COPE: variants seen among roughly 807,000 people sequenced by gnomAD.
The protein encoded by COPE is coat protein complex I subunit epsilon, also known as coatomer subunit epsilon.
In COPE, 19 loss-of-function variants were observed where a neutral mutation model predicts 42.1. That is an observed-to-expected ratio of 0.45 (90% CI 0.31 to 0.66). The LOEUF is 0.66. COPE is among the 30% of genes least tolerant of loss of function. COPE has a pLI of 0.05. For missense variants in COPE, 402 were observed against 416.1 expected (o/e 0.97, Z 0.30); for synonymous variants, 195 against 181.3 (o/e 1.08, Z -0.60).
At chr19:18,909,519 CTTT>C (rs59105113) in intron 3 of COPE, among the ~76,000 whole-genome samples, 27 of 133,780 alleles carry the variant, frequency 2.0e-4, no homozygotes, top group Admixed American at 3.8e-4. Context: ...GGCCTCTTTC[CTTT>C]TTTTTTTTTT....
At chr19:18,910,788 C>G (rs553710496) in intron 3 of COPE, 183 bp downstream of exon 3, 1 of 611,300 alleles carries the variant, frequency 1.6e-6, no homozygotes, top group Non-Finnish European at 2.9e-6. Flanking sequence ...CCATCACCAG[C>G]CCCCCACTGC....
At chr19:18,902,772 A>AGG (rs1568314845) in intron 7 of COPE, among the ~76,000 whole-genome samples, 4 of 31,954 alleles carry the variant, frequency 1.3e-4, no homozygotes, top group Admixed American at 9.0e-4. Context: ...AGGAAGGGAA[A>AGG]GAAGGAAGGA....
chr19:18,907,140 C>T (rs938528864), intron 3 of COPE, 28 bp from the exon 4 acceptor site: 3 of 1,602,694 alleles, frequency 1.9e-6, no homozygotes, highest in Admixed American at 1.7e-5. Flanking sequence ...TCACGACCCA[C>T]AGCTGGGGTG....
intron 4 of COPE, chr19:18,906,651 C>T (rs1002211471): frequency 1.5e-5 from 4 of 275,230 alleles, no homozygotes; most frequent in Non-Finnish European, 2.1e-5. Flanking sequence ...AGGGCCGAGA[C>T]ACAGAAGGCT....
In COPE at chr19:18,900,453, G is replaced by T. The variant is rs1203132595; in HGVS notation, c.736-4C>A. On this transcript the variant is annotated splice_region_variant and splice_polypyrimidine_tract_variant and intron_variant, in intron 7 of 9. Transcript: ENST00000262812. ...GCGTCTCTGGGTAGCCACTATCCTGGAGACACAGGCAGACACGGGGAGGCA... is the reference window on the plus strand; with the variant it reads ...GCGTCTCTGGGTAGCCACTATCCTGTAGACACAGGCAGACACGGGGAGGCA... 3.9e-6 allele frequency: 6 copies of T among 1,547,066 alleles called. No individual in the cohort carries two copies. Among genetic ancestry groups the T allele is most frequent in the Admixed American group, 2.0e-5 (1 of 50,742 alleles).
In COPE at chr19:18,913,981, A is replaced by G. The variant is rs900135592; in HGVS notation, c.127-935T>C. 6.6e-5 allele frequency among the ~76,000 whole-genome samples: 10 copies of G among 152,078 alleles called. 1 individual carries two copies. The highest frequency in any genetic ancestry group is 6.5e-4 in the Admixed American group (10 of 15,270). ...TCCCCAGCCTGAGGGAGGAGCGTGGATGTCAAACGTGTCCTCATCCCAGGC... is the reference window on the plus strand; with the variant it reads ...TCCCCAGCCTGAGGGAGGAGCGTGGGTGTCAAACGTGTCCTCATCCCAGGC... On this transcript the variant is annotated intron_variant, in intron 1 of 9. Coordinates refer to ENST00000262812, the MANE Select transcript of COPE (RefSeq NM_007263.4).
At chr19:18,908,682 A>G (rs888786497) in intron 3 of COPE, among the ~76,000 whole-genome samples, 4 of 151,316 alleles carry the variant, frequency 2.6e-5, no homozygotes, top group Non-Finnish European at 4.4e-5. Flanking sequence ...ATGCCCGGCT[A>G]ATTTTTTTTG....
chr19:18,917,561 G>A lies in COPE; in HGVS notation c.126+1662C>T, dbSNP rs187554925. Among the ~76,000 whole-genome samples the A allele has an allele frequency of 2.1e-3, 315 of 151,906 alleles. 1 individual carries two copies. The highest frequency in any genetic ancestry group is 3.8e-3 in the Non-Finnish European group (256 of 67,954). On this transcript the variant is annotated intron_variant, in intron 1 of 9. Transcript: ENST00000262812. ...TTTTGTATTTTTTAGTAGAGACGGG[G>A]TTTCACCAAGTTGGTCAGGCTGGTC...
chr19:18,919,174 C>T (rs1232579881), intron 1 of COPE, 49 bp downstream of exon 1: 2 of 1,563,378 alleles, frequency 1.3e-6, no homozygotes, highest in South Asian at 1.2e-5. Context: ...CACCAGAAAG[C>T]GTCCTCCGCC....
Position 18,908,602 on chromosome 19 carries a change from C to T in COPE, c.291-1490G>A, listed in dbSNP as rs567561237. Among the ~76,000 whole-genome samples, 70 of 150,712 alleles carry T rather than the reference C, an allele frequency of 4.6e-4. No homozygotes were observed. In the South Asian group the frequency reaches 0.014, roughly 30 times the overall value. The stretch of plus-strand genomic sequence containing the variant: ...TGCGATCTTGGCTCACTGCAAGCTC[C>T]GCCTCCCGGGTTCATGCCATTCTCC... On this transcript the variant is annotated intron_variant, in intron 3 of 9. Coordinates refer to ENST00000262812, the MANE Select transcript of COPE (RefSeq NM_007263.4).
intron 4 of COPE, 166 bp from the exon 5 acceptor site, chr19:18,905,795 G>A: frequency 4.6e-6 from 3 of 646,676 alleles, no homozygotes; most frequent in East Asian, 3.3e-5. Flanking sequence ...ACATTTCACC[G>A]CTCAGCTTCC....
At chr19:18,905,659 G>T (rs368025209) in intron 4 of COPE, 30 bp from the exon 5 acceptor site, 1 of 1,580,666 alleles carries the variant, frequency 6.3e-7, no homozygotes, top group Non-Finnish European at 8.5e-7. Context: ...GGCGGTCAGC[G>T]GGTCGCCACA....
Position 18,904,224 on chromosome 19 carries a change from C to T in COPE, c.579+547G>A, listed in dbSNP as rs182397061. On this transcript the variant is annotated intron_variant, in intron 6 of 9. Coordinates refer to ENST00000262812, the MANE Select transcript of COPE (RefSeq NM_007263.4). ...ACATGATCCACCCGCCTCGGCCTCC[C>T]GAAGTGCTGGGATTACAGGCGTGAG... Among the ~76,000 whole-genome samples, 124 of 152,352 alleles carry T rather than the reference C, an allele frequency of 8.1e-4. 5 individuals carry two copies. In the South Asian group the frequency reaches 0.024, roughly 29 times the overall value.
intron 1 of COPE, among the ~76,000 whole-genome samples, chr19:18,918,056 G>A (rs1240593215): frequency 6.6e-6 from 1 of 151,610 alleles, no homozygotes; most frequent in African/African-American, 2.4e-5. Context: ...GGGCCATGGT[G>A]GCGCGCGCCT....
At chr19:18,917,111 T>C (rs2056860191) in intron 1 of COPE, among the ~76,000 whole-genome samples, 1 of 151,134 alleles carries the variant, frequency 6.6e-6, no homozygotes, top group Admixed American at 6.6e-5. Context: ...CCTCAGTTTG[T>C]AGCCACATTA....
At position 18,919,228 on chromosome 19, in the gene COPE, C is replaced by A. The variant is rs1286232177; in HGVS notation, c.121G>T (p.Val41Leu). 4.3e-6 allele frequency: 7 copies of A among 1,611,742 alleles called. No homozygotes were observed. Among genetic ancestry groups the A allele is most frequent in the Non-Finnish European group, 5.9e-6 (7 of 1,178,912 alleles). ...YQQCINEAQR[V>L]KLSSPERDVE... is the part of the protein sequence containing the mutation. ...GCGCCCCTGCGCGGCCGCACCTTCACCCGCTGCGCCTCGTTTATGCACTGC... is the reference window on the plus strand; with the variant it reads ...GCGCCCCTGCGCGGCCGCACCTTCAACCGCTGCGCCTCGTTTATGCACTGC... Residue 41 changes from valine to leucine, a missense_variant, in exon 1 of 10, where the codon GTG becomes TTG. Coordinates refer to ENST00000262812, the MANE Select transcript of COPE (RefSeq NM_007263.4).
intron 1 of COPE, among the ~76,000 whole-genome samples, chr19:18,917,413 G>A (rs1332440226): frequency 6.6e-6 from 1 of 151,290 alleles, no homozygotes; most frequent in African/African-American, 2.4e-5. Context: ...TTGTTCCCCA[G>A]GCTTGAATGC....
intron 7 of COPE, among the ~76,000 whole-genome samples, chr19:18,901,890 A>C (rs2056701872): frequency 6.6e-6 from 1 of 152,212 alleles, no homozygotes; most frequent in Admixed American, 6.6e-5. Flanking sequence ...TTATAAAAAT[A>C]ATAATCCAGG....
rs771945064 is a variant in COPE at position 18,919,341 on chromosome 19, G to A, written c.8C>T (p.Pro3Leu). Residue 3 changes from proline to leucine, a missense_variant, in exon 1 of 10, where the codon CCT (proline) becomes CTT (leucine). Pro to Leu is a moderately conservative substitution (Grantham distance 98, BLOSUM62 -3). Coordinates refer to ENST00000262812, the MANE Select transcript of COPE (RefSeq NM_007263.4). Reference protein sequence around the residue: MAPPAPGPASGGS... With the variant: MALPAPGPASGGS... ...GCCGGAGGCCGGGCCGGGGGCCGGA[G>A]GCGCCATTTCGCTGTCTTCTCACCA... The A allele has an allele frequency of 1.7e-5, 28 of 1,613,592 alleles. No individual in the cohort carries two copies. The highest frequency in any genetic ancestry group is 4.5e-5 in the East Asian group (2 of 44,906).
Sources: gnomAD v4.1 joint callset for allele counts (sites outside exome capture counted in the v4.1 genomes callset) on GRCh38, gnomAD v4.1.1 for gene constraint, MANE v1.5 for transcripts, NCBI Gene and HGNC (gene_info 2026-07-23, HGNC 2026-07-21) for gene names.